PID1: variants seen among roughly 807,000 people sequenced by gnomAD.
The protein encoded by PID1 is PTB-containing, cubilin and LRP1-interacting protein.
PID1 carries 10 observed loss-of-function variants against 19.1 expected under a neutral mutation model. The ratio of observed to expected loss-of-function variants is 0.52; its 90% confidence interval spans 0.32 to 0.89. The LOEUF is 0.89. PID1 is among the 40% of genes least tolerant of loss of function. The pLI is 0.03. For missense variants in PID1, 248 were observed against 285.3 expected, an observed-to-expected ratio of 0.87 and a Z score of 0.94; for synonymous variants, 130 against 116.0, an observed-to-expected ratio of 1.12 and a Z score of -0.78.
At chr2:229,203,920 A>G (rs1691551302) in intron 1 of PID1, among the ~76,000 whole-genome samples, 1 of 152,086 alleles carries the variant, frequency 6.6e-6, no homozygotes, top group Non-Finnish European at 1.5e-5. Flanking sequence ...GCTTAATGAT[A>G]ACTGGACCTT....
At chr2:229,185,374 A>C (rs1288695976) in intron 1 of PID1, among the ~76,000 whole-genome samples, 1 of 152,052 alleles carries the variant, frequency 6.6e-6, no homozygotes, top group Non-Finnish European at 1.5e-5. Flanking sequence ...CACTGATCCC[A>C]TCCCCTCCTG....
intron 2 of PID1, among the ~76,000 whole-genome samples, chr2:229,054,019 C>G (rs1290971296): frequency 2.0e-5 from 3 of 152,126 alleles, no homozygotes; most frequent in African/African-American, 7.2e-5. Flanking sequence ...TATCCAAAGA[C>G]TGGATCATTA....
chr2:229,188,016 C>T (rs940927834), intron 1 of PID1, among the ~76,000 whole-genome samples: 3 of 152,178 alleles, frequency 2.0e-5, no homozygotes, highest in Admixed American at 6.5e-5. Context: ...ATTCTTATCC[C>T]TACTTATTCC....
At chr2:229,164,722 G>A (rs1254826027) in intron 1 of PID1, among the ~76,000 whole-genome samples, 1 of 152,172 alleles carries the variant, frequency 6.6e-6, no homozygotes, top group Admixed American at 6.5e-5. Flanking sequence ...TGAAACAAAT[G>A]AGGTAAGATG....
chr2:229,031,555 C>T (rs114208495), intron 2 of PID1, among the ~76,000 whole-genome samples: 3,755 of 149,982 alleles, frequency 0.025, 72 homozygotes, highest in Non-Finnish European at 0.039. Flanking sequence ...GTGACCTTGT[C>T]TCAAAAAAGA....
At chr2:229,059,897 T>C (rs757658795) in intron 2 of PID1, among the ~76,000 whole-genome samples, 1 of 152,172 alleles carries the variant, frequency 6.6e-6, no homozygotes, top group Non-Finnish European at 1.5e-5. Context: ...ATACAGCTTA[T>C]GTGGAGGGGA....
At chr2:229,230,979 T>TA (rs1692192692) in intron 1 of PID1, among the ~76,000 whole-genome samples, 1 of 152,130 alleles carries the variant, frequency 6.6e-6, no homozygotes, top group South Asian at 2.1e-4. Flanking sequence ...AGAAGACAAT[T>TA]ACAGAAATCA....
intron 1 of PID1, chr2:229,262,541 G>T: frequency 7.8e-7 from 1 of 1,274,918 alleles, no homozygotes; most frequent in Non-Finnish European, 1.0e-6. Flanking sequence ...GTGAAAGTTG[G>T]GGATACCTAC....
At chr2:229,149,145 A>G (rs1690195914) in intron 2 of PID1, among the ~76,000 whole-genome samples, 1 of 151,938 alleles carries the variant, frequency 6.6e-6, no homozygotes, top group African/African-American at 2.4e-5. Context: ...AGTCTGTATA[A>G]TTGGCATAGG....
At chr2:229,257,802 A>G (rs756373061) in intron 1 of PID1, among the ~76,000 whole-genome samples, 15 of 152,206 alleles carry the variant, frequency 9.9e-5, no homozygotes, top group Non-Finnish European at 2.2e-4. Context: ...GTCAGTTGCC[A>G]CTAGTGAAGT....
intron 1 of PID1, among the ~76,000 whole-genome samples, chr2:229,207,634 A>G (rs1691636466): frequency 6.6e-6 from 1 of 151,638 alleles, no homozygotes; most frequent in African/African-American, 2.4e-5. Flanking sequence ...GGTCAGACCC[A>G]TACCAAGTTG....
intron 1 of PID1, among the ~76,000 whole-genome samples, chr2:229,190,956 A>G (rs1691248689): frequency 6.6e-6 from 1 of 152,214 alleles, no homozygotes; most frequent in Non-Finnish European, 1.5e-5. Flanking sequence ...AAACAACAGT[A>G]TATAAACCAT....
chr2:229,262,467 G>C (rs1336699949), intron 1 of PID1, among the ~76,000 whole-genome samples: 1 of 151,994 alleles, frequency 6.6e-6, no homozygotes. Flanking sequence ...ATCCACAGTA[G>C]ATAAACTCAC....
At chr2:229,236,728 AG>A (rs1300389481) in intron 1 of PID1, 1 of 152,412 alleles carries the variant, frequency 6.6e-6, no homozygotes, top group African/African-American at 2.4e-5. Context: ...ACCAGGTAGA[AG>A]GAAGAGGCCA....
intron 1 of PID1, among the ~76,000 whole-genome samples, chr2:229,267,853 T>A (rs1690632749): frequency 6.6e-6 from 1 of 152,050 alleles, no homozygotes; most frequent in Admixed American, 6.6e-5. Flanking sequence ...CAGAAAAGTC[T>A]CCTTTACTTT....
chr2:229,178,511 T>C (rs748528471), intron 1 of PID1, among the ~76,000 whole-genome samples: 39 of 152,338 alleles, frequency 2.6e-4, no homozygotes, highest in Non-Finnish European at 4.3e-4. Flanking sequence ...GGTGATTATC[T>C]TATTGTCCCA....
chr2:229,087,028 A>T (rs1694781685), intron 2 of PID1, among the ~76,000 whole-genome samples: 1 of 152,152 alleles, frequency 6.6e-6, no homozygotes, highest in Non-Finnish European at 1.5e-5. Flanking sequence ...AATAACTGGA[A>T]ATAACATCAG....
intron 2 of PID1, among the ~76,000 whole-genome samples, chr2:229,043,744 T>C (rs1693819637): frequency 6.6e-6 from 1 of 152,218 alleles, no homozygotes; most frequent in South Asian, 2.1e-4. Context: ...CACTGTCTAG[T>C]AGACAGATTC....
chr2:229,042,857 T>C (rs1044254881), intron 2 of PID1, among the ~76,000 whole-genome samples: 1 of 152,168 alleles, frequency 6.6e-6, no homozygotes, highest in African/African-American at 2.4e-5. Flanking sequence ...AATTTGACAA[T>C]ATTGTTACTA....
Sources: gnomAD v4.1 joint callset for allele counts (sites outside exome capture counted in the v4.1 genomes callset) on GRCh38, gnomAD v4.1.1 for gene constraint, MANE v1.5 for transcripts, NCBI Gene and HGNC (gene_info 2026-07-23, HGNC 2026-07-21) for gene names.